HYCC2: variants seen among roughly 807,000 people sequenced by gnomAD.
HYCC2 encodes hyccin PI4KA lipid kinase complex subunit 2.
the HYCC2 span, among the ~76,000 whole-genome samples, chr2:201,024,664 CAG>C: frequency 6.6e-6 from 1 of 152,002 alleles, no homozygotes; most frequent in Non-Finnish European, 1.5e-5. Context: ...AATACATAAC[CAG>C]AACAAACTAC....
the HYCC2 span, among the ~76,000 whole-genome samples, chr2:201,055,382 C>CG: frequency 4.5e-5 from 6 of 132,350 alleles, no homozygotes; most frequent in Non-Finnish European, 6.3e-5. Context: ...AATTCCATCT[C>CG]GAAAAAAAAA....
the HYCC2 span, chr2:200,981,554 C>T: frequency 6.2e-7 from 1 of 1,614,176 alleles, no homozygotes; most frequent in Admixed American, 1.7e-5. The surrounding 1 kb of genome is among the most constrained non-coding windows in gnomAD (Gnocchi z 4.5). Context: ...ATTTTTGGCA[C>T]CACCTGGCCA....
chr2:201,027,540 A>ATG, the HYCC2 span, among the ~76,000 whole-genome samples: 2 of 152,338 alleles, frequency 1.3e-5, no homozygotes, highest in Non-Finnish European at 2.9e-5. Context: ...AACATCCCTG[A>ATG]TGAACATCGA....
At chr2:200,990,579 CT>C in the HYCC2 span, among the ~76,000 whole-genome samples, 4,199 of 143,818 alleles carry the variant, frequency 0.029, 202 homozygotes, top group African/African-American at 0.1. Context: ...ATTTTTTTTT[CT>C]TTTTTTTTTT....
chr2:201,032,887 T>A, the HYCC2 span, among the ~76,000 whole-genome samples: 20 of 152,090 alleles, frequency 1.3e-4, no homozygotes, highest in Admixed American at 9.2e-4. Flanking sequence ...TACAAAAACA[T>A]TTTTTAAACA....
At chr2:200,975,323 A>G in the HYCC2 span, 3 of 152,014 alleles carry the variant, frequency 2.0e-5, no homozygotes, top group Non-Finnish European at 4.4e-5. Flanking sequence ...TTTGTAATCA[A>G]TGAAGATGTA....
At chr2:200,987,661 CAT>C in the HYCC2 span, 10 of 585,814 alleles carry the variant, frequency 1.7e-5, no homozygotes, top group Non-Finnish European at 2.6e-5. Flanking sequence ...TATATAGTTA[CAT>C]GTGTGTGCAT....
At chr2:201,064,373 A>T in the HYCC2 span, among the ~76,000 whole-genome samples, 6 of 152,186 alleles carry the variant, frequency 3.9e-5, 1 homozygote, top group South Asian at 1.2e-3. Flanking sequence ...CGCTGAATAA[A>T]TGTCTTTTTT....
the HYCC2 span, among the ~76,000 whole-genome samples, chr2:201,058,811 T>TA: frequency 6.6e-6 from 1 of 152,240 alleles, no homozygotes; most frequent in Non-Finnish European, 1.5e-5. Context: ...CTACCCTGGA[T>TA]AAAAATGTTT....
At chr2:200,988,871 AATTGCC>A in the HYCC2 span, among the ~76,000 whole-genome samples, 1 of 152,214 alleles carries the variant, frequency 6.6e-6, no homozygotes, top group Non-Finnish European at 1.5e-5. Flanking sequence ...CATACCTGGT[AATTGCC>A]ATTTGACTGA....
chr2:201,052,938 C>T, the HYCC2 span, among the ~76,000 whole-genome samples: 3 of 152,066 alleles, frequency 2.0e-5, no homozygotes. Context: ...TACCAGAAGC[C>T]AGGAAAAGAA....
At chr2:201,059,596 GA>G in the HYCC2 span, among the ~76,000 whole-genome samples, 1 of 152,116 alleles carries the variant, frequency 6.6e-6, no homozygotes, top group Non-Finnish European at 1.5e-5. Flanking sequence ...ACAGAGCAGG[GA>G]ATAGTTTCTT....
chr2:201,058,329 A>C, the HYCC2 span, among the ~76,000 whole-genome samples: 1 of 152,222 alleles, frequency 6.6e-6, no homozygotes, highest in Non-Finnish European at 1.5e-5. Context: ...TCTCTAACTA[A>C]CATTTATAAT....
At chr2:200,974,782 G>C in the HYCC2 span, 4 of 151,622 alleles carry the variant, frequency 2.6e-5, no homozygotes, top group Non-Finnish European at 5.9e-5. Context: ...AAATCATTTA[G>C]TTCTTATTGG....
chr2:201,064,327 T>C, the HYCC2 span, among the ~76,000 whole-genome samples: 2 of 152,146 alleles, frequency 1.3e-5, no homozygotes, highest in African/African-American at 4.8e-5. Context: ...TTTGCACCCA[T>C]GCTGTTGATT....
At chr2:201,024,161 T>C in the HYCC2 span, 1 of 554,492 alleles carries the variant, frequency 1.8e-6, no homozygotes, top group Admixed American at 3.5e-5. Context: ...AGGTGACTTG[T>C]CTTAGTTTGG....
chr2:201,034,949 T>G, the HYCC2 span, among the ~76,000 whole-genome samples: 2 of 152,176 alleles, frequency 1.3e-5, 1 homozygote, highest in Non-Finnish European at 2.9e-5. Flanking sequence ...TTCTGGCTTG[T>G]AGAGTTTCTG....
chr2:201,008,918 T>C, the HYCC2 span: 565 of 1,024,372 alleles, frequency 5.5e-4, 3 homozygotes, highest in African/African-American at 7.7e-3. Flanking sequence ...CATTCATATA[T>C]ATATTCATGC....
chr2:201,031,218 A>C, the HYCC2 span, among the ~76,000 whole-genome samples: 3 of 152,248 alleles, frequency 2.0e-5, no homozygotes, highest in Non-Finnish European at 2.9e-5. Context: ...CTACCATAGC[A>C]TAGAAACCTA....
Sources: allele counts gnomAD v4.1 joint callset (sites outside exome capture counted in the v4.1 genomes callset), GRCh38; gene constraint gnomAD v4.1.1; non-coding constraint Gnocchi (gnomAD v3.1); transcripts MANE v1.5; gene names NCBI Gene and HGNC (gene_info 2026-07-23, HGNC 2026-07-21).